Variants in OPCML observed in about 807,000 individuals in gnomAD.
OPCML encodes opioid binding protein/cell adhesion molecule like.
A neutral mutation model predicts 37.8 loss-of-function variants in OPCML; 13 were observed. The observed-to-expected ratio is 0.34, with a 90% CI of 0.22 to 0.55. The LOEUF (loss-of-function observed/expected upper bound fraction) is 0.55. Among genes scored for constraint, OPCML ranks in the 20% least tolerant of loss-of-function variants. The pLI is 0.91. For synonymous variants in OPCML, 176 were observed against 168.8 expected (o/e 1.04, Z -0.33); for missense variants, 341 against 435.6 (o/e 0.78, Z 1.93).
chr11:133,252,693 A>G lies in OPCML; in HGVS notation c.61+279571T>C, dbSNP rs563093634. Among the ~76,000 whole-genome samples, 39 of 152,290 alleles carry G rather than the reference A, an allele frequency of 2.6e-4. 1 individual carries two copies. In the South Asian group the frequency reaches 8.1e-3, roughly 32 times the overall value. ...TTTCTGCCTATTTCTCTGTGCTCCC[A>G]GTTAGAGCATGACAGCCACTCGGGC... On this transcript the variant is annotated intron_variant, in intron 1 of 7. Coordinates refer to ENST00000524381, the MANE Select transcript of OPCML (RefSeq NM_001012393.5).
Position 132,726,987 on chromosome 11 carries a change from ATGAG to A in OPCML, c.147-69672_147-69669del, listed in dbSNP as rs1229195708. ...GGACCCTTCCCTGACCCCATGCGGA[ATGAG>A]TCCAGCATTCTCTGTGCTCCTGAAG... On this transcript the variant is annotated intron_variant, in intron 2 of 7. Coordinates refer to ENST00000524381, the MANE Select transcript of OPCML (RefSeq NM_001012393.5). Among the ~76,000 whole-genome samples, 3 of 152,292 alleles carry A rather than the reference ATGAG, an allele frequency of 2.0e-5. No homozygotes were observed. In the East Asian group the frequency reaches 5.8e-4, roughly 29 times the overall value.
chr11:132,937,134 C>T (rs538576259), intron 2 of OPCML, among the ~76,000 whole-genome samples: 3 of 152,156 alleles, frequency 2.0e-5, no homozygotes, highest in Non-Finnish European at 2.9e-5. Context: ...TCAAATGAGA[C>T]CTGCTTGACT....
At chr11:132,824,880 T>C (rs1487985759) in intron 2 of OPCML, among the ~76,000 whole-genome samples, 3 of 152,160 alleles carry the variant, frequency 2.0e-5, no homozygotes, top group African/African-American at 7.2e-5. Flanking sequence ...TTTATCCACC[T>C]GTCTAAAGGC....
chr11:133,358,525 G>A (rs1424616948), intron 1 of OPCML, among the ~76,000 whole-genome samples: 1 of 152,130 alleles, frequency 6.6e-6, no homozygotes, highest in Non-Finnish European at 1.5e-5. Flanking sequence ...GCCCCCTTTT[G>A]TGGTGGGCCT....
At chr11:133,045,635 T>G (rs1400320514) in intron 1 of OPCML, among the ~76,000 whole-genome samples, 2 of 152,238 alleles carry the variant, frequency 1.3e-5, no homozygotes, top group African/African-American at 2.4e-5. Context: ...AGCTGGTCTC[T>G]GCCATCTTCT....
chr11:132,964,838 G>A (rs1284646669), intron 1 of OPCML, among the ~76,000 whole-genome samples: 3 of 152,200 alleles, frequency 2.0e-5, no homozygotes, highest in Non-Finnish European at 2.9e-5. Context: ...GCTGTTATAC[G>A]CCAATTTTGA....
At chr11:133,275,245 G>A (rs564308435) in intron 1 of OPCML, among the ~76,000 whole-genome samples, 1 of 152,168 alleles carries the variant, frequency 6.6e-6, no homozygotes, top group South Asian at 2.1e-4. Flanking sequence ...TAGATATCTT[G>A]TAACAGAAAT....
intron 3 of OPCML, among the ~76,000 whole-genome samples, chr11:132,532,035 C>G (rs1411149018): frequency 6.6e-6 from 1 of 152,260 alleles, no homozygotes; most frequent in Middle Eastern, 3.4e-3. Flanking sequence ...GAACTCAGCA[C>G]AGCCACCAAC....
rs193125574 is a variant in OPCML, at chr11:132,860,863, T to C, written c.146+82063A>G. 9.2e-5 allele frequency: 14 copies of C among 152,320 alleles called. 1 individual carries two copies. Among genetic ancestry groups the C allele is most frequent in the African/African-American group, 3.4e-4 (14 of 41,574 alleles). The allele number at this position is 152,320 out of a possible 1,614,324, so 9.4% of individuals were successfully genotyped here. A position where few individuals can be genotyped will look rare whatever the true frequency, so the allele number is the denominator to read the frequency against. The stretch of plus-strand genomic sequence containing the variant: ...TGACACATAAAACGTTATGACATAA[T>C]AGAAGGCATTCAGTAAATACTTGTT... On this transcript the variant is annotated intron_variant, in intron 2 of 7. Transcript: ENST00000524381.
In OPCML at chr11:133,249,256, A is replaced by G. The variant is rs190226298; in HGVS notation, c.61+283008T>C. Among the ~76,000 whole-genome samples, 230 of 152,262 alleles carry G rather than the reference A, an allele frequency of 1.5e-3. 5 individuals are homozygous for G. Among genetic ancestry groups the G allele is most frequent in the Middle Eastern group, 0.01 (3 of 294 alleles). On this transcript the variant is annotated intron_variant, in intron 1 of 7. Transcript: ENST00000524381. ...TAAGGGAGCTTCCACTCATGGCAGA[A>G]GGCAAAGCGGATTAGGCATCCCATG...
intron 3 of OPCML, among the ~76,000 whole-genome samples, chr11:132,647,080 C>A (rs148215051): frequency 6.6e-6 from 1 of 152,074 alleles, no homozygotes; most frequent in Non-Finnish European, 1.5e-5. Flanking sequence ...AATGACCTGG[C>A]GTGGCAGTCT....
Position 132,729,042 on chromosome 11 carries a change from A to G in OPCML, c.147-71723T>C, listed in dbSNP as rs1010293655. ...TAAAAGCAGAAGGAAAAGGAAAGTG[A>G]ACAAGTTCAATGTGAAAGAAAGGCT... On this transcript the variant is annotated intron_variant, in intron 2 of 7. Transcript: ENST00000524381. Among the ~76,000 whole-genome samples the G allele has an allele frequency of 3.7e-4, 56 of 152,302 alleles. 1 individual carries two copies. Among genetic ancestry groups the G allele is most frequent in the African/African-American group, 1.2e-3 (50 of 41,570 alleles).
At chr11:133,461,682 G>A (rs996884433) in intron 1 of OPCML, among the ~76,000 whole-genome samples, 4 of 151,834 alleles carry the variant, frequency 2.6e-5, no homozygotes, top group Non-Finnish European at 5.9e-5. Context: ...TTCATGGATT[G>A]AAAGCTTTAA....
chr11:133,509,794 T>C (rs77083316), intron 1 of OPCML, among the ~76,000 whole-genome samples: 10,447 of 152,228 alleles, frequency 0.069, 1,210 homozygotes, highest in African/African-American at 0.24. Flanking sequence ...TCATTTACTC[T>C]ATGAGTACTC....
chr11:133,131,350 T>G (rs1741761233), intron 1 of OPCML, among the ~76,000 whole-genome samples: 1 of 152,150 alleles, frequency 6.6e-6, no homozygotes, highest in South Asian at 2.1e-4. Context: ...ACCATAAATT[T>G]AAATGTAAAA....
chr11:132,964,213 G>T (rs1451498196), intron 1 of OPCML, among the ~76,000 whole-genome samples: 2 of 152,218 alleles, frequency 1.3e-5, no homozygotes, highest in African/African-American at 4.8e-5. Flanking sequence ...TTTCAGTGCA[G>T]TGTCTGAATC....
At chr11:133,191,377 T>C (rs551067539) in intron 1 of OPCML, among the ~76,000 whole-genome samples, 2 of 152,336 alleles carry the variant, frequency 1.3e-5, no homozygotes, top group East Asian at 3.9e-4. Context: ...TGTTAATGAT[T>C]GTAGAGGGTA....
At chr11:133,521,856 T>C (rs1948404134) in intron 1 of OPCML, among the ~76,000 whole-genome samples, 1 of 152,260 alleles carries the variant, frequency 6.6e-6, no homozygotes, top group African/African-American at 2.4e-5. Context: ...CAAAGGCTTC[T>C]GTAGGCCTTT....
intron 1 of OPCML, among the ~76,000 whole-genome samples, chr11:132,944,090 G>T (rs1454478694): frequency 6.6e-6 from 1 of 152,054 alleles, no homozygotes; most frequent in Non-Finnish European, 1.5e-5. Flanking sequence ...GGATGCCTGC[G>T]GGGATGAGCC....
Sources: gnomAD v4.1 joint callset for allele counts (sites outside exome capture counted in the v4.1 genomes callset) on GRCh38, gnomAD v4.1.1 for gene constraint, MANE v1.5 for transcripts, NCBI Gene and HGNC (gene_info 2026-07-23, HGNC 2026-07-21) for gene names.